The following CD300LF variants were observed in gnomAD, a reference collection of about 807,000 sequenced individuals.
The protein encoded by CD300LF is CD300 molecule like family member f.
Under a neutral mutation model 32.2 loss-of-function variants are expected in CD300LF, and 27 were observed. That is an observed-to-expected ratio of 0.84 (90% CI 0.62 to 1.15). The LOEUF (loss-of-function observed/expected upper bound fraction) is 1.15, where lower values mean the gene tolerates loss of function less well. CD300LF is among the 50% of genes most tolerant of loss of function. CD300LF has a pLI of 0.00. For synonymous variants in CD300LF, 139 were observed against 143.2 expected, an observed-to-expected ratio of 0.97 and a Z score of 0.21; for missense variants, 348 against 356.8, an observed-to-expected ratio of 0.98 and a Z score of 0.20.
At chr17:74,705,342 T>C (rs1039047912) in intron 1 of CD300LF, 13 of 673,138 alleles carry the variant, frequency 1.9e-5, no homozygotes, top group East Asian at 2.7e-5. Context: ...GCCTTTGAAG[T>C]TGATCAAAAC....
intron 2 of CD300LF, among the ~76,000 whole-genome samples, chr17:74,703,706 G>A (rs937326782): frequency 6.6e-6 from 1 of 152,170 alleles, no homozygotes; most frequent in African/African-American, 2.4e-5. Context: ...TGCCCCAGAG[G>A]CTCCGGGTGC....
chr17:74,705,126 T>C (rs1267559438), intron 1 of CD300LF: 1 of 678,976 alleles, frequency 1.5e-6, no homozygotes, highest in African/African-American at 1.8e-5. Flanking sequence ...TCAAGGAATG[T>C]CCTTTTGCAG....
At chr17:74,712,638 A>G (rs908354361) in intron 1 of CD300LF, among the ~76,000 whole-genome samples, 186 bp downstream of exon 1, 1 of 152,196 alleles carries the variant, frequency 6.6e-6, no homozygotes, top group Non-Finnish European at 1.5e-5. Flanking sequence ...TGGCTTCATT[A>G]TGAAGGTCAT....
rs190989999 is a variant in CD300LF at position 74,709,043 on chromosome 17, T to C, written c.43+3781A>G. ...ATCGAGACAATCCTGGCCAACATGG[T>C]GAAACCCCGTCTCTACTAAAAATTC... is the stretch of plus-strand genomic sequence containing the variant. On this transcript the variant is annotated intron_variant, in intron 1 of 6. Transcript: ENST00000326165. 4.0e-4 allele frequency among the ~76,000 whole-genome samples: 61 copies of C among 150,776 alleles called. 2 individuals are homozygous for C. The highest frequency in any genetic ancestry group is 3.4e-3 in the Admixed American group (52 of 15,090).
Position 74,698,590 on chromosome 17 carries a change from G to A in CD300LF, c.447-109C>T, listed in dbSNP as rs753609609. 3.3e-6 allele frequency: 5 copies of A among 1,512,406 alleles called. No individual in the cohort carries two copies. In the South Asian group the frequency reaches 5.1e-5, roughly 15 times the overall value. The allele number at this position is 1,512,406 out of a possible 1,614,324, so 93.7% of individuals were successfully genotyped here. On this transcript the variant is annotated intron_variant, in intron 3 of 6. Coordinates refer to ENST00000326165, the MANE Select transcript of CD300LF (RefSeq NM_139018.5). ...GGGCCACACACCTGATGAGCTGCAG[G>A]TCTGTAGTTTGCAGCCTGGGAACCC...
chr17:74,697,234 A>G (rs1420075806), intron 4 of CD300LF, among the ~76,000 whole-genome samples: 1 of 152,074 alleles, frequency 6.6e-6, no homozygotes, highest in African/African-American at 2.4e-5. Flanking sequence ...ATGAGCCACG[A>G]CACCCAGAGA....
At chr17:74,712,695 G>C (rs1302542408) in intron 1 of CD300LF, 129 bp downstream of exon 1, 1 of 880,666 alleles carries the variant, frequency 1.1e-6, no homozygotes, top group Non-Finnish European at 1.8e-6. Context: ...TGAATGGTGG[G>C]TATGTGGATG....
rs191675435 is a variant in CD300LF, at chr17:74,702,650, C to T, written c.446+385G>A. ...TCATCCCTGCGGCTCCATGACCCCACGCCCACACTCACATGAGACACACTG... is the reference window on the plus strand; with the variant it reads ...TCATCCCTGCGGCTCCATGACCCCATGCCCACACTCACATGAGACACACTG... On this transcript the variant is annotated intron_variant, in intron 3 of 6. Transcript: ENST00000326165. Among the ~76,000 whole-genome samples the T allele has an allele frequency of 3.9e-5, 6 of 152,210 alleles. No individual in the cohort carries two copies. The East Asian group carries it at 9.6e-4, about 24-fold the overall frequency.
chr17:74,697,903 C>T (rs1265254088), intron 4 of CD300LF, among the ~76,000 whole-genome samples: 1 of 152,144 alleles, frequency 6.6e-6, no homozygotes, highest in African/African-American at 2.4e-5. Context: ...ACTGTGGGAT[C>T]CATGCAGTGT....
At chr17:74,701,425 C>T (rs968015004) in intron 3 of CD300LF, among the ~76,000 whole-genome samples, 2 of 152,054 alleles carry the variant, frequency 1.3e-5, no homozygotes, top group Non-Finnish European at 2.9e-5. Flanking sequence ...ATCAAAGGCC[C>T]TAATCGGGCA....
At chr17:74,697,331 CACATCCCTGCCCTAGGG>C (rs1180427437) in intron 4 of CD300LF, among the ~76,000 whole-genome samples, 4 of 152,172 alleles carry the variant, frequency 2.6e-5, no homozygotes, top group Non-Finnish European at 5.9e-5. Context: ...CCACCAGCCC[CACATCCCTGCCCTAGGG>C]ACAACAAAGA....
rs376495805 is a variant in CD300LF at position 74,695,634 on chromosome 17, G to A, written c.717+91C>T. On this transcript the variant is annotated intron_variant, in intron 6 of 6. Coordinates refer to ENST00000326165, the MANE Select transcript of CD300LF (RefSeq NM_139018.5). ...ACACCTGCCTCCTCTATGCCCACAT[G>A]AGCAGGAGAAAGCCCACCCTCCAAC... is the stretch of plus-strand genomic sequence containing the variant. The A allele has an allele frequency of 5.7e-6, 9 of 1,574,784 alleles. No homozygotes were observed. The African/African-American group carries it at 8.1e-5, about 14-fold the overall frequency.
intron 1 of CD300LF, among the ~76,000 whole-genome samples, chr17:74,707,886 T>G (rs1337277947): frequency 6.6e-6 from 1 of 151,390 alleles, no homozygotes; most frequent in Non-Finnish European, 1.5e-5. Context: ...TAGAAAAAAA[T>G]TATACAGGCC....
At chr17:74,712,800 G>A in intron 1 of CD300LF, 24 bp downstream of exon 1, 1 of 1,613,800 alleles carries the variant, frequency 6.2e-7, no homozygotes, top group Non-Finnish European at 8.5e-7. Context: ...GCTTCCCCAA[G>A]AAGACAGACC....
At chr17:74,711,799 C>T (rs2033981441) in intron 1 of CD300LF, among the ~76,000 whole-genome samples, 1 of 152,168 alleles carries the variant, frequency 6.6e-6, no homozygotes, top group Non-Finnish European at 1.5e-5. Flanking sequence ...TACCTGGGTC[C>T]CACTGTAACA....
At chr17:74,695,938 G>C (rs2032424071) in intron 5 of CD300LF, 79 bp from the exon 6 acceptor site, 1 of 1,508,336 alleles carries the variant, frequency 6.6e-7, no homozygotes, top group African/African-American at 1.4e-5. Context: ...GGGACGGGAC[G>C]AGAGCCTCTC....
rs766870602 is a variant in CD300LF, at chr17:74,703,026, C to T, written c.446+9G>A. The T allele has an allele frequency of 4.3e-6, 7 of 1,609,412 alleles. No homozygotes were observed. The Admixed American group carries it at 1.2e-4, about 27-fold the overall frequency. On this transcript the variant is annotated intron_variant, in intron 3 of 6. Coordinates refer to ENST00000326165, the MANE Select transcript of CD300LF (RefSeq NM_139018.5). The stretch of plus-strand genomic sequence containing the variant: ...CAAGTAGGCCACAGTGGAACCAGAG[C>T]TGGCTTACCTGTTGTCCAAGTGGTG...
chr17:74,707,867 A>G (rs1470383046), intron 1 of CD300LF, among the ~76,000 whole-genome samples: 2 of 152,172 alleles, frequency 1.3e-5, no homozygotes, highest in Non-Finnish European at 2.9e-5. Context: ...GATGGAATAA[A>G]CAAATTCCTA....
chr17:74,702,721 G>A (rs1002757109), intron 3 of CD300LF, among the ~76,000 whole-genome samples: 11 of 152,116 alleles, frequency 7.2e-5, no homozygotes, highest in South Asian at 4.2e-4. Flanking sequence ...TGAGCTCCAC[G>A]GGGACAGTCC....
Sources: allele counts gnomAD v4.1 joint callset (sites outside exome capture counted in the v4.1 genomes callset), GRCh38; gene constraint gnomAD v4.1.1; transcripts MANE v1.5; gene names NCBI Gene and HGNC (gene_info 2026-07-23, HGNC 2026-07-21).